Variants in CENPP observed in about 807,000 individuals in gnomAD.
CENPP encodes centromere protein P.
CENPP carries 24 observed loss-of-function variants against 35.6 expected under a neutral mutation model. The observed-to-expected ratio is 0.67, with a 90% CI of 0.49 to 0.95. The LOEUF (loss-of-function observed/expected upper bound fraction) is 0.95. CENPP is among the 40% of genes least tolerant of loss of function. The pLI is 0.00. For missense variants in CENPP, 332 were observed against 345.3 expected, an observed-to-expected ratio of 0.96 and a Z score of 0.31; for synonymous variants, 120 against 125.5, an observed-to-expected ratio of 0.96 and a Z score of 0.29.
At position 92,439,256 on chromosome 9, in the gene CENPP, T is replaced by C. The variant is rs1163833301; in HGVS notation, c.564+59397T>C. The stretch of plus-strand genomic sequence containing the variant: ...GACTATTTTAAAGTAGACCTGGCTT[T>C]CTTGTCTTTATTTTCAGACTTCCAT... On this transcript the variant is annotated intron_variant, in intron 5 of 7. Transcript: ENST00000375587. Among the ~76,000 whole-genome samples, 6 of 152,294 alleles carry C rather than the reference T, an allele frequency of 3.9e-5. No individual in the cohort carries two copies. In the East Asian group the frequency reaches 1.2e-3, roughly 29 times the overall value.
At chr9:92,549,318 A>G (rs563200730) in intron 5 of CENPP, among the ~76,000 whole-genome samples, 15 of 152,312 alleles carry the variant, frequency 9.8e-5, no homozygotes, top group Admixed American at 3.9e-4. Flanking sequence ...CTACTTGATG[A>G]GGTTCCAGGG....
chr9:92,373,369 A>G (rs73518492), intron 4 of CENPP, among the ~76,000 whole-genome samples: 3,076 of 152,174 alleles, frequency 0.02, 109 homozygotes, highest in African/African-American at 0.07. Flanking sequence ...GAAGCTTTCA[A>G]ATGTATTTTA....
At chr9:92,392,322 G>A (rs79080591) in intron 5 of CENPP, among the ~76,000 whole-genome samples, 1 of 152,090 alleles carries the variant, frequency 6.6e-6, no homozygotes, top group Non-Finnish European at 1.5e-5. Flanking sequence ...CCTAGTATCA[G>A]TATTTAAAAA....
chr9:92,522,563 G>GTGTT, intron 5 of CENPP: 1 of 1,591,678 alleles, frequency 6.3e-7, no homozygotes, highest in Non-Finnish European at 8.6e-7. Flanking sequence ...CTCTCTCATA[G>GTGTT]TGTTCTCTTA....
intron 5 of CENPP, among the ~76,000 whole-genome samples, chr9:92,471,625 TA>T (rs1845519179): frequency 6.6e-6 from 1 of 152,082 alleles, no homozygotes; most frequent in South Asian, 2.1e-4. Context: ...TAATTAGTTG[TA>T]AATTCTTTGA....
rs542423621 is a variant in CENPP at position 92,427,649 on chromosome 9, T to A, written c.564+47790T>A. ...GCATGTGCCACCATGTCTGGCTAAT[T>A]TTGTATTTTCAGTAGAGTCGGGGGT... On this transcript the variant is annotated intron_variant, in intron 5 of 7. Coordinates refer to ENST00000375587, the MANE Select transcript of CENPP (RefSeq NM_001012267.3). Among the ~76,000 whole-genome samples the A allele has an allele frequency of 5.9e-5, 9 of 151,678 alleles. No homozygotes were observed. The South Asian group carries it at 1.7e-3, about 28-fold the overall frequency.
intron 5 of CENPP, among the ~76,000 whole-genome samples, chr9:92,454,525 C>A (rs1455410126): frequency 6.6e-6 from 1 of 152,002 alleles, no homozygotes; most frequent in African/African-American, 2.4e-5. Context: ...TTTTTTGTTA[C>A]ATTGTAGAAA....
chr9:92,601,984 A>T (rs547005599), intron 5 of CENPP, among the ~76,000 whole-genome samples: 9 of 152,340 alleles, frequency 5.9e-5, no homozygotes, highest in Non-Finnish European at 1.2e-4. Flanking sequence ...CAACGAGCCC[A>T]GGTCCTGGTT....
chr9:92,462,776 G>T (rs1038154747), intron 5 of CENPP, among the ~76,000 whole-genome samples: 1 of 152,180 alleles, frequency 6.6e-6, no homozygotes, highest in South Asian at 2.1e-4. Context: ...TTTATGGAAT[G>T]ATTATGTGGA....
chr9:92,382,933 C>T (rs1042755153), intron 5 of CENPP, among the ~76,000 whole-genome samples: 2 of 114,258 alleles, frequency 1.8e-5, no homozygotes, highest in African/African-American at 6.6e-5. Flanking sequence ...GAGTCTTGCT[C>T]TGTCGCCTAG....
intron 5 of CENPP, chr9:92,514,696 A>C: frequency 6.2e-7 from 1 of 1,612,618 alleles, no homozygotes; most frequent in Non-Finnish European, 8.5e-7. Context: ...CATGGCGTTG[A>C]TGCAGCTGAT....
chr9:92,441,636 G>C (rs1232550735), intron 5 of CENPP, among the ~76,000 whole-genome samples: 1 of 152,138 alleles, frequency 6.6e-6, no homozygotes, highest in African/African-American at 2.4e-5. Context: ...GCGCGTACCT[G>C]TAGTCCCAGC....
chr9:92,399,304 G>A (rs990022876), intron 5 of CENPP, among the ~76,000 whole-genome samples: 9 of 151,970 alleles, frequency 5.9e-5, no homozygotes, highest in Non-Finnish European at 8.8e-5. Flanking sequence ...ATGTCTCTGT[G>A]TGAGATTGAA....
chr9:92,560,621 C>T (rs1298027531), intron 5 of CENPP, among the ~76,000 whole-genome samples: 2 of 152,190 alleles, frequency 1.3e-5, no homozygotes, highest in Non-Finnish European at 1.5e-5. Context: ...AAGCATCCAT[C>T]AGCCAAAAAT....
rs527393221 is a variant in CENPP at position 92,371,926 on chromosome 9, C to G, written c.468-7837C>G. The stretch of plus-strand genomic sequence containing the variant: ...TGTTGCCCAGGCTGGAGTGCAGTAG[C>G]TCAATCCTGGCTCACTGCAAGCTTC... On this transcript the variant is annotated intron_variant, in intron 4 of 7. Transcript: ENST00000375587. Among the ~76,000 whole-genome samples the G allele has an allele frequency of 2.5e-4, 35 of 142,458 alleles. 1 individual carries two copies. The Middle Eastern group carries it at 0.011, about 45-fold the overall frequency. The allele number at this position is 142,458 out of a possible 152,430, so 93.5% of individuals were successfully genotyped here.
In CENPP at chr9:92,395,064, A is replaced by G. The variant is rs142435440; in HGVS notation, c.564+15205A>G. ...TTTTGTGGTTAGCTGACTTACAATT[A>G]ATTGCGTGTATTTAAATCGTACAAC... On this transcript the variant is annotated intron_variant, in intron 5 of 7. Transcript: ENST00000375587. Among the ~76,000 whole-genome samples the G allele has an allele frequency of 2.2e-4, 33 of 152,184 alleles. 1 individual carries two copies. In the East Asian group the frequency reaches 5.8e-3, roughly 27 times the overall value.
At chr9:92,447,017 TA>T (rs1411557601) in intron 5 of CENPP, among the ~76,000 whole-genome samples, 1 of 152,064 alleles carries the variant, frequency 6.6e-6, no homozygotes, top group Admixed American at 6.6e-5. Context: ...TCTGGCCTTC[TA>T]AATGTTTCAA....
intron 5 of CENPP, among the ~76,000 whole-genome samples, chr9:92,472,779 G>C (rs1420946409): frequency 1.3e-5 from 2 of 152,164 alleles, no homozygotes; most frequent in Non-Finnish European, 2.9e-5. Flanking sequence ...TTGTTTGTTA[G>C]AATAGATTAA....
chr9:92,559,461 C>T (rs951351800), intron 5 of CENPP, among the ~76,000 whole-genome samples: 1 of 152,184 alleles, frequency 6.6e-6, no homozygotes, highest in African/African-American at 2.4e-5. Context: ...GGGGCACTCA[C>T]AGTAGTTGGG....
Sources: gnomAD v4.1 joint callset for allele counts (sites outside exome capture counted in the v4.1 genomes callset) on GRCh38, gnomAD v4.1.1 for gene constraint, MANE v1.5 for transcripts, NCBI Gene and HGNC (gene_info 2026-07-23, HGNC 2026-07-21) for gene names.